HDAC9: variants seen among roughly 807,000 people sequenced by gnomAD.
HDAC9 encodes MEF-2 interacting transcription repressor (MITR) protein.
HDAC9 carries 41 observed loss-of-function variants against 139.4 expected under a neutral mutation model. The observed-to-expected ratio is 0.29, with a 90% confidence interval of 0.23 to 0.38. The LOEUF is 0.38. HDAC9 is among the 10% of genes least tolerant of loss of function. HDAC9 has a pLI of 1.00. For missense variants in HDAC9, 1,147 were observed against 1,297.0 expected (o/e 0.88, Z 1.78); for synonymous variants, 517 against 476.2 (o/e 1.09, Z -1.12).
At chr7:18,987,278 G>A (rs542725626) in intron 25 of HDAC9, among the ~76,000 whole-genome samples, 2 of 152,316 alleles carry the variant, frequency 1.3e-5, no homozygotes, top group East Asian at 1.9e-4. Context: ...TTAGCATGAA[G>A]GTTGTTGAAT....
intron 2 of HDAC9, among the ~76,000 whole-genome samples, chr7:18,512,222 T>C (rs1021387787): frequency 1.3e-5 from 2 of 152,126 alleles, no homozygotes; most frequent in Admixed American, 6.5e-5. Flanking sequence ...GGAATTGTCT[T>C]TGGATGTCCT....
chr7:18,625,278 T>G (rs2128958724), intron 6 of HDAC9, among the ~76,000 whole-genome samples: 1 of 152,310 alleles, frequency 6.6e-6, no homozygotes, highest in Non-Finnish European at 1.5e-5. Flanking sequence ...TTTCTTTTCT[T>G]CCCTTACCCT....
chr7:18,529,063 T>G (rs1246457973), intron 2 of HDAC9, among the ~76,000 whole-genome samples: 1 of 152,176 alleles, frequency 6.6e-6, no homozygotes, highest in East Asian at 1.9e-4. Context: ...GTATTAAACC[T>G]TTTTTCTTAT....
upstream of HDAC9, among the ~76,000 whole-genome samples, chr7:18,287,982 G>A (rs1797565025): frequency 6.6e-6 from 1 of 152,182 alleles, no homozygotes; most frequent in Admixed American, 6.5e-5. Flanking sequence ...AAAACTGGTT[G>A]CACATATAAA....
At chr7:18,186,263 T>G (rs1174943301) in intron 2 of HDAC9, among the ~76,000 whole-genome samples, 3 of 152,254 alleles carry the variant, frequency 2.0e-5, no homozygotes, top group African/African-American at 4.8e-5. Flanking sequence ...TTTAGCTGAC[T>G]GGTTAAGACT....
intron 2 of HDAC9, among the ~76,000 whole-genome samples, chr7:18,507,671 A>C (rs777978875): frequency 1.3e-4 from 19 of 152,000 alleles, no homozygotes; most frequent in Non-Finnish European, 2.1e-4. Flanking sequence ...TTGTATTTTT[A>C]GTAAAGATGG....
At chr7:18,089,394 G>C (rs1189478743) in intron 1 of HDAC9, among the ~76,000 whole-genome samples, 1 of 152,020 alleles carries the variant, frequency 6.6e-6, no homozygotes, top group Non-Finnish European at 1.5e-5. Flanking sequence ...CATGCTTATA[G>C]ATTTTTGTGA....
chr7:18,848,794 C>G (rs1585147961), intron 21 of HDAC9, among the ~76,000 whole-genome samples: 1 of 152,024 alleles, frequency 6.6e-6, no homozygotes, highest in Admixed American at 6.6e-5. Context: ...CCATATTTTG[C>G]TAAACACTGG....
Position 18,607,458 on chromosome 7 carries a change from A to G in HDAC9, c.664+13429A>G, listed in dbSNP as rs183138866. ...AGTTTCTTCAAATAGCAAATATGGA[A>G]AATATTTGCCTTCCAGTGTTATTGT... On this transcript the variant is annotated intron_variant, in intron 6 of 25. Transcript: ENST00000686413. 5.2e-3 allele frequency among the ~76,000 whole-genome samples: 796 copies of G among 152,324 alleles called. 3 individuals are homozygous for G. The highest frequency in any genetic ancestry group is 0.018 in the African/African-American group (762 of 41,570).
intron 11 of HDAC9, among the ~76,000 whole-genome samples, chr7:18,655,098 C>T (rs1374714896): frequency 6.6e-6 from 1 of 152,168 alleles, no homozygotes; most frequent in Non-Finnish European, 1.5e-5. Flanking sequence ...GTTGGCATCT[C>T]ATCTATGGGT....
At chr7:18,213,864 C>A (rs1792115589) in intron 2 of HDAC9, among the ~76,000 whole-genome samples, 1 of 152,086 alleles carries the variant, frequency 6.6e-6, no homozygotes, top group South Asian at 2.1e-4. Flanking sequence ...TGTGAAGTAC[C>A]TTTGAAGGAT....
chr7:18,998,709 A>G lies in HDAC9; in HGVS notation c.*2647A>G, dbSNP rs432. On this transcript the variant is annotated 3_prime_UTR_variant, in exon 26 of 26. Coordinates refer to ENST00000686413, the MANE Select transcript of HDAC9 (RefSeq NM_178425.4). ...ATTTTATTGCTCGCAGTTGTTCTGA[A>G]TGAGAGGCTAGAAGAGTATTATCAA... The G allele has an allele frequency of 0.36, 55,285 of 152,102 alleles. 10,710 individuals are homozygous for G. The highest frequency in any genetic ancestry group is 0.6 in the East Asian group (3,128 of 5,176). 9.4% of individuals were successfully genotyped at this position (152,102 alleles called of 1,614,324 possible).
rs1027505657 is a variant in HDAC9 at position 19,001,726 on chromosome 7, T to C, written c.*5664T>C. The C allele has an allele frequency of 6.6e-6, 1 of 152,148 alleles. No individual in the cohort carries two copies. The highest frequency in any genetic ancestry group is 1.9e-4 in the East Asian group (1 of 5,180). The allele number at this position is 152,148 out of a possible 1,614,324, so 9.4% of individuals were successfully genotyped here. ...GTCTACCTCCACAGTAACTATGATA[T>C]AGGAAATTGTCCTTTCAGTGGTTTC... On this transcript the variant is annotated 3_prime_UTR_variant, in exon 26 of 26. Coordinates refer to ENST00000686413, the MANE Select transcript of HDAC9 (RefSeq NM_178425.4).
chr7:18,668,190 T>C (rs1795356073), intron 12 of HDAC9: 3 of 856,516 alleles, frequency 3.5e-6, no homozygotes, highest in Non-Finnish European at 2.8e-6. Context: ...TTAACATAAC[T>C]AGAAGTTAGA....
At chr7:18,179,910 C>T (rs1021863165) in intron 2 of HDAC9, among the ~76,000 whole-genome samples, 1 of 152,058 alleles carries the variant, frequency 6.6e-6, no homozygotes, top group African/African-American at 2.4e-5. Context: ...GCTTTTTTCT[C>T]TCAACCGTGA....
intron 23 of HDAC9, among the ~76,000 whole-genome samples, chr7:18,936,165 A>G (rs546135771): frequency 2.6e-5 from 4 of 152,326 alleles, no homozygotes; most frequent in Non-Finnish European, 5.9e-5. Flanking sequence ...CAGGTTAGCC[A>G]TGGAGCTCAA....
intron 12 of HDAC9, among the ~76,000 whole-genome samples, chr7:18,672,891 C>G (rs1584810258): frequency 6.6e-6 from 1 of 151,906 alleles, no homozygotes; most frequent in Non-Finnish European, 1.5e-5. Context: ...GTTGCAATTA[C>G]TAGTTGATTT....
chr7:18,962,482 G>A (rs1783589424), intron 24 of HDAC9, among the ~76,000 whole-genome samples: 1 of 152,016 alleles, frequency 6.6e-6, no homozygotes, highest in African/African-American at 2.4e-5. Flanking sequence ...AGAAAAGTCT[G>A]CCATCTGCTA....
chr7:18,769,475 C>T (rs181912031), intron 16 of HDAC9, among the ~76,000 whole-genome samples: 3 of 152,178 alleles, frequency 2.0e-5, no homozygotes, highest in Admixed American at 2.0e-4. Context: ...AGAAGGAGCC[C>T]TGCATTGTTA....
Sources: gnomAD v4.1 joint callset for allele counts (sites outside exome capture counted in the v4.1 genomes callset) on GRCh38, gnomAD v4.1.1 for gene constraint, MANE v1.5 for transcripts, NCBI Gene and HGNC (gene_info 2026-07-23, HGNC 2026-07-21) for gene names.